NLGN1: variants seen among roughly 807,000 people sequenced by gnomAD.
The protein encoded by NLGN1 is neuroligin-1.
Under a neutral mutation model 65.5 loss-of-function variants are expected in NLGN1, and 12 were observed. The ratio of observed to expected loss-of-function variants is 0.18; its 90% CI spans 0.12 to 0.30. The LOEUF (loss-of-function observed/expected upper bound fraction) is 0.30, where lower values mean the gene tolerates loss of function less well. Among genes scored for constraint, NLGN1 ranks in the 10% least tolerant of loss-of-function variants. The probability of loss-of-function intolerance (pLI) is 1.00; values close to 1 mark genes in which losing one functional copy is unlikely to be tolerated. For synonymous variants in NLGN1, 350 were observed against 359.5 expected, an observed-to-expected ratio of 0.97 and a Z score of 0.30; for missense variants, 750 against 1,007.1, an observed-to-expected ratio of 0.74 and a Z score of 3.46.
chr3:173,721,942 T>TA (rs34282659), intron 3 of NLGN1, among the ~76,000 whole-genome samples: 141,200 of 147,242 alleles, frequency 0.96, 67,754 homozygotes, highest in East Asian at 1. Flanking sequence ...TATCTGCTCG[T>TA]AAAAAAAAAA....
chr3:174,289,712 A>G (rs1377564165), downstream of NLGN1, among the ~76,000 whole-genome samples: 1 of 150,938 alleles, frequency 6.6e-6, no homozygotes, highest in African/African-American at 2.4e-5. Flanking sequence ...AGTAATACAT[A>G]CATAAGATAA....
At chr3:173,960,637 A>C (rs1251759106) in intron 4 of NLGN1, among the ~76,000 whole-genome samples, 1 of 152,054 alleles carries the variant, frequency 6.6e-6, no homozygotes, top group Non-Finnish European at 1.5e-5. Flanking sequence ...AAACAGATAT[A>C]GGATAATCAT....
In NLGN1 at chr3:174,069,859, A is replaced by G. The variant is rs1309385775; in HGVS notation, c.647-205456A>G. The stretch of plus-strand genomic sequence containing the variant: ...TCAGAAAGACCAGGTTTTGAGTTCT[A>G]TTTAGCTGTAAACCTGACTACTTGT... On this transcript the variant is annotated intron_variant, in intron 4 of 6. Coordinates refer to ENST00000457714, the Ensembl canonical transcript of NLGN1. Among the ~76,000 whole-genome samples the G allele has an allele frequency of 3.3e-5, 5 of 152,220 alleles. No individual in the cohort carries two copies. The East Asian group carries it at 5.8e-4, about 18-fold the overall frequency.
chr3:173,565,279 T>A (rs1743454710), intron 2 of NLGN1, among the ~76,000 whole-genome samples: 1 of 152,056 alleles, frequency 6.6e-6, no homozygotes, highest in Non-Finnish European at 1.5e-5. Flanking sequence ...GCCTTACAGA[T>A]GGAGAATGAA....
intron 4 of NLGN1, among the ~76,000 whole-genome samples, chr3:173,978,899 G>A (rs1718146204): frequency 6.6e-6 from 1 of 150,682 alleles, no homozygotes; most frequent in Non-Finnish European, 1.5e-5. Flanking sequence ...CACCTAATCA[G>A]GAGGCTGAGG....
intron 4 of NLGN1, among the ~76,000 whole-genome samples, chr3:173,948,547 A>G (rs114610556): frequency 1.5e-3 from 235 of 152,358 alleles, no homozygotes; most frequent in African/African-American, 5.4e-3. Context: ...GGACAGGGAT[A>G]GAAGTTTTAG....
chr3:173,539,102 C>G (rs1737973586), intron 2 of NLGN1, among the ~76,000 whole-genome samples: 1 of 152,044 alleles, frequency 6.6e-6, no homozygotes, highest in African/African-American at 2.4e-5. Context: ...GGATTTCCTT[C>G]ACTGCTGTCT....
At chr3:173,544,575 A>G (rs901292208) in intron 2 of NLGN1, among the ~76,000 whole-genome samples, 1 of 152,146 alleles carries the variant, frequency 6.6e-6, no homozygotes. Context: ...TTTGAAAAAA[A>G]TCCCTTGAGA....
chr3:173,429,464 A>G (rs532470286), intron 1 of NLGN1, among the ~76,000 whole-genome samples: 1 of 152,184 alleles, frequency 6.6e-6, no homozygotes, highest in Admixed American at 6.5e-5. Context: ...CTGAGAGGTA[A>G]AAAATCACCA....
chr3:174,084,669 C>A (rs79633773), intron 4 of NLGN1, among the ~76,000 whole-genome samples: 1 of 152,002 alleles, frequency 6.6e-6, no homozygotes, highest in Non-Finnish European at 1.5e-5. Context: ...ATATCAACCA[C>A]CTAATAACTT....
At chr3:173,941,655 G>A (rs191855862) in intron 4 of NLGN1, among the ~76,000 whole-genome samples, 16 of 151,934 alleles carry the variant, frequency 1.1e-4, no homozygotes, top group Admixed American at 3.9e-4. Flanking sequence ...GACTGAGATA[G>A]ATAGATAATA....
intron 2 of NLGN1, among the ~76,000 whole-genome samples, chr3:173,524,265 A>G (rs1030136563): frequency 6.6e-6 from 1 of 151,890 alleles, no homozygotes; most frequent in African/African-American, 2.4e-5. Context: ...AGTTTTCCTT[A>G]TAGAGATGAT....
rs551086038 is a variant in NLGN1 at position 174,018,548 on chromosome 3, G to A, written c.646+210716G>A. 4.6e-5 allele frequency among the ~76,000 whole-genome samples: 7 copies of A among 152,252 alleles called. No homozygotes were observed. The East Asian group carries it at 5.8e-4, about 13-fold the overall frequency. ...ATGTTCTTCTGCCATGGCTTCAGCC[G>A]GTCCCTTCGTTCAGGGTCCCTGACT... On this transcript the variant is annotated intron_variant, in intron 4 of 6. Coordinates refer to ENST00000457714, the Ensembl canonical transcript of NLGN1.
chr3:173,542,467 G>A (rs2149235387), intron 2 of NLGN1, among the ~76,000 whole-genome samples: 1 of 152,116 alleles, frequency 6.6e-6, no homozygotes, highest in Admixed American at 6.6e-5. Context: ...ATGGTTAGAA[G>A]TGAGGTAAAT....
chr3:173,849,021 A>T (rs2150725712), intron 4 of NLGN1, among the ~76,000 whole-genome samples: 1 of 152,212 alleles, frequency 6.6e-6, no homozygotes, highest in Non-Finnish European at 1.5e-5. Flanking sequence ...ACCTTCTAAA[A>T]TCCATCAGAT....
chr3:173,965,069 T>C (rs1002626832), intron 4 of NLGN1, among the ~76,000 whole-genome samples: 1 of 152,138 alleles, frequency 6.6e-6, no homozygotes, highest in African/African-American at 2.4e-5. Context: ...CCGAGTTGCT[T>C]ATAGGTATTT....
chr3:173,498,228 C>A lies in NLGN1; in HGVS notation c.-321+63150C>A, dbSNP rs1039058187. 2.0e-5 allele frequency among the ~76,000 whole-genome samples: 3 copies of A among 151,660 alleles called. No homozygotes were observed. In the East Asian group the frequency reaches 5.8e-4, roughly 29 times the overall value. On this transcript the variant is annotated intron_variant, in intron 2 of 6. Transcript: ENST00000457714. ...ACTCCCCCCACCCCACAACAGTCCC[C>A]GGTGTGTGATGTTCCCCTTCCTGTG...
intron 1 of NLGN1, among the ~76,000 whole-genome samples, chr3:173,431,673 C>T (rs1478294585): frequency 9.2e-5 from 14 of 152,130 alleles, no homozygotes; most frequent in Admixed American, 9.2e-4. Context: ...TATCAGCATC[C>T]TACACCAGAG....
At chr3:174,094,383 G>T (rs1383950575) in intron 4 of NLGN1, among the ~76,000 whole-genome samples, 1 of 151,742 alleles carries the variant, frequency 6.6e-6, no homozygotes, top group African/African-American at 2.4e-5. Context: ...CCATGGCCTG[G>T]TGGGCCGCAT....
Sources: allele counts gnomAD v4.1 joint callset (sites outside exome capture counted in the v4.1 genomes callset), GRCh38; gene constraint gnomAD v4.1.1; transcripts MANE v1.5; gene names NCBI Gene and HGNC (gene_info 2026-07-23, HGNC 2026-07-21).